NCKAP5: variants seen among roughly 807,000 people sequenced by gnomAD.
NCKAP5 encodes the protein NCK associated protein 5, also known as nck-associated protein 5.
A neutral mutation model predicts 167.0 loss-of-function variants in NCKAP5; 92 were observed. The ratio of observed to expected loss-of-function variants is 0.55; its 90% CI spans 0.47 to 0.66. NCKAP5 has a LOEUF of 0.66. Ranked by LOEUF, NCKAP5 falls within the 30% of genes least tolerant of loss-of-function variation. The pLI is 0.00. For missense variants in NCKAP5, 2,378 were observed against 2,315.0 expected, an observed-to-expected ratio of 1.03 and a Z score of -0.56; for synonymous variants, 891 against 877.4, an observed-to-expected ratio of 1.02 and a Z score of -0.27.
chr2:132,907,782 C>T lies in NCKAP5; in HGVS notation c.580-28866G>A, dbSNP rs191036793. Among the ~76,000 whole-genome samples, 835 of 152,122 alleles carry T rather than the reference C, an allele frequency of 5.5e-3. 2 individuals are homozygous for T. The highest frequency in any genetic ancestry group is 9.2e-3 in the Non-Finnish European group (626 of 68,000). The stretch of plus-strand genomic sequence containing the variant: ...ACGCCATTCTCCTGCCTCAGCCTCC[C>T]GAGTAGCTGGGACTACAGGCGCCCA... On this transcript the variant is annotated intron_variant, in intron 8 of 19. Transcript: ENST00000409261.
chr2:133,657,775 T>C, the NCKAP5 span, among the ~76,000 whole-genome samples: 2 of 151,952 alleles, frequency 1.3e-5, no homozygotes, highest in African/African-American at 4.8e-5. Context: ...CTGTGGGAAA[T>C]GGTGGAGCGG....
chr2:132,816,429 G>T (rs913671161), intron 11 of NCKAP5, among the ~76,000 whole-genome samples: 1 of 152,132 alleles, frequency 6.6e-6, no homozygotes, highest in Non-Finnish European at 1.5e-5. Context: ...GTCGGGAGCG[G>T]CTTGCTGGAA....
the NCKAP5 span, among the ~76,000 whole-genome samples, chr2:133,645,658 T>C: frequency 6.6e-6 from 1 of 152,140 alleles, no homozygotes; most frequent in African/African-American, 2.4e-5. Flanking sequence ...AGAGTTGTTG[T>C]AAGTATTAAA....
intron 2 of NCKAP5, among the ~76,000 whole-genome samples, chr2:133,546,918 C>T (rs1368783803): frequency 1.3e-5 from 2 of 152,176 alleles, no homozygotes; most frequent in East Asian, 3.9e-4. Context: ...CAGCTCCCAG[C>T]GTGAGCAACA....
chr2:133,470,072 A>G (rs1365366393), intron 3 of NCKAP5, among the ~76,000 whole-genome samples: 2 of 151,944 alleles, frequency 1.3e-5, no homozygotes, highest in Admixed American at 6.6e-5. Flanking sequence ...GTTCCTTTGG[A>G]GGAGGAGAGG....
chr2:133,390,614 GCCATCTCACCAACTTTTCATC>G lies in NCKAP5; in HGVS notation c.70-87525_70-87505del, dbSNP rs1383288982. On this transcript the variant is annotated intron_variant, in intron 3 of 19. Coordinates refer to ENST00000409261, the MANE Select transcript of NCKAP5 (RefSeq NM_207363.3). ...CTTCCTCATCTCCCCAGCCAGGACT[GCCATCTCACCAACTTTTCATC>G]AGCCTCTAATTTCCCCTAGAGTAGT... 5.3e-5 allele frequency among the ~76,000 whole-genome samples: 8 copies of G among 152,234 alleles called. 1 individual carries two copies. The highest frequency in any genetic ancestry group is 1.9e-4 in the African/African-American group (8 of 41,544).
At chr2:132,780,025 T>C (rs1682884492) in intron 15 of NCKAP5, among the ~76,000 whole-genome samples, 1 of 152,182 alleles carries the variant, frequency 6.6e-6, no homozygotes, top group Admixed American at 6.5e-5. Context: ...ATGAATACTA[T>C]TAAATTATTT....
intron 4 of NCKAP5, among the ~76,000 whole-genome samples, chr2:133,262,279 C>T (rs934664539): frequency 6.6e-5 from 10 of 151,506 alleles, no homozygotes; most frequent in Non-Finnish European, 1.3e-4. Flanking sequence ...AGGAGTAATC[C>T]CACATAACAT....
chr2:133,388,029 T>C (rs1268420517), intron 3 of NCKAP5, among the ~76,000 whole-genome samples: 1 of 152,256 alleles, frequency 6.6e-6, no homozygotes, highest in Non-Finnish European at 1.5e-5. Context: ...ATCTGAAGCC[T>C]TCTTCTCTCA....
chr2:133,045,375 ATATC>A (rs1178350276), intron 6 of NCKAP5, among the ~76,000 whole-genome samples: 4 of 151,942 alleles, frequency 2.6e-5, no homozygotes, highest in African/African-American at 9.7e-5. Flanking sequence ...ATATATATCT[ATATC>A]TATCTATATA....
chr2:133,647,422 A>G, the NCKAP5 span, among the ~76,000 whole-genome samples: 5,325 of 118,048 alleles, frequency 0.045, 476 homozygotes, highest in African/African-American at 0.083. Flanking sequence ...GAAGGAAGAG[A>G]AAGAAAGGAA....
intron 3 of NCKAP5, among the ~76,000 whole-genome samples, chr2:133,417,610 C>T (rs765921549): frequency 6.6e-6 from 1 of 152,200 alleles, no homozygotes; most frequent in African/African-American, 2.4e-5. Flanking sequence ...AGTTGAGAGG[C>T]CTCAGTGAGC....
At chr2:132,790,384 A>G (rs973217841) in intron 12 of NCKAP5, among the ~76,000 whole-genome samples, 179 bp from the exon 13 acceptor site, 1 of 152,146 alleles carries the variant, frequency 6.6e-6, no homozygotes, top group East Asian at 1.9e-4. Context: ...CACCTAACGC[A>G]CAGAACATCA....
chr2:133,498,449 A>T (rs1413735120), intron 3 of NCKAP5, among the ~76,000 whole-genome samples: 2 of 127,570 alleles, frequency 1.6e-5, no homozygotes, highest in Non-Finnish European at 3.2e-5. Flanking sequence ...GAAGGAAGGA[A>T]GGAAGGAAGG....
chr2:133,140,209 A>C (rs188814136), intron 5 of NCKAP5, among the ~76,000 whole-genome samples: 255 of 152,336 alleles, frequency 1.7e-3, no homozygotes, highest in African/African-American at 5.2e-3. Flanking sequence ...CTGAAGTCTT[A>C]AACATTGTTT....
intron 19 of NCKAP5, among the ~76,000 whole-genome samples, chr2:132,705,350 C>T (rs1241245579): frequency 1.3e-5 from 2 of 152,126 alleles, no homozygotes; most frequent in Non-Finnish European, 2.9e-5. Flanking sequence ...TACTTACCAT[C>T]TCCAATTCCT....
At chr2:133,428,610 A>C (rs977754462) in intron 3 of NCKAP5, among the ~76,000 whole-genome samples, 1 of 152,162 alleles carries the variant, frequency 6.6e-6, no homozygotes, top group Non-Finnish European at 1.5e-5. Context: ...CCATAAAGGG[A>C]AAAATAGACA....
At chr2:133,630,544 A>C in the NCKAP5 span, among the ~76,000 whole-genome samples, 2 of 152,134 alleles carry the variant, frequency 1.3e-5, no homozygotes, top group Admixed American at 6.5e-5. Context: ...TCACCATGGC[A>C]CATGTTTACC....
chr2:132,945,454 T>C (rs997584440), intron 8 of NCKAP5, among the ~76,000 whole-genome samples: 4 of 151,974 alleles, frequency 2.6e-5, no homozygotes, highest in Non-Finnish European at 4.4e-5. Context: ...TGGGAATCGA[T>C]GGAAGTCATA....
Sources: allele counts gnomAD v4.1 joint callset (sites outside exome capture counted in the v4.1 genomes callset), GRCh38; gene constraint gnomAD v4.1.1; transcripts MANE v1.5; gene names NCBI Gene and HGNC (gene_info 2026-07-23, HGNC 2026-07-21).